PRKG1: variants seen among roughly 807,000 people sequenced by gnomAD.
The protein encoded by PRKG1 is protein kinase cGMP-dependent 1.
PRKG1 carries 35 observed loss-of-function variants against 88.1 expected under a neutral mutation model. That is an observed-to-expected ratio of 0.40 (90% CI 0.30 to 0.53). The LOEUF (loss-of-function observed/expected upper bound fraction) is 0.53. PRKG1 is among the 20% of genes least tolerant of loss of function. The pLI is 0.59. For synonymous variants in PRKG1, 303 were observed against 292.5 expected, an observed-to-expected ratio of 1.04 and a Z score of -0.37; for missense variants, 540 against 839.8, an observed-to-expected ratio of 0.64 and a Z score of 4.41.
chr10:51,433,952 C>T (rs1012215517), intron 2 of PRKG1, among the ~76,000 whole-genome samples: 1 of 152,032 alleles, frequency 6.6e-6, no homozygotes, highest in Non-Finnish European at 1.5e-5. Flanking sequence ...AAAACCTTTA[C>T]TTTATAGGTA....
intron 3 of PRKG1, among the ~76,000 whole-genome samples, chr10:51,735,500 G>T (rs1471524876): frequency 6.6e-6 from 1 of 151,974 alleles, no homozygotes; most frequent in Non-Finnish European, 1.5e-5. Context: ...GAGGACATTT[G>T]GATACCAATA....
At chr10:51,599,776 C>T (rs961814062) in intron 3 of PRKG1, among the ~76,000 whole-genome samples, 4 of 152,160 alleles carry the variant, frequency 2.6e-5, no homozygotes, top group Non-Finnish European at 4.4e-5. Context: ...ATTTTGGTTG[C>T]TATAACAACT....
intron 3 of PRKG1, among the ~76,000 whole-genome samples, chr10:51,478,889 A>G (rs1469526157): frequency 3.9e-5 from 6 of 151,992 alleles, no homozygotes; most frequent in African/African-American, 1.4e-4. Context: ...CTGAAACTCA[A>G]ATTTGAGTTG....
chr10:51,614,509 G>T (rs984054911), intron 3 of PRKG1, among the ~76,000 whole-genome samples: 4 of 151,208 alleles, frequency 2.6e-5, no homozygotes, highest in Non-Finnish European at 5.9e-5. Context: ...TTTAAGTGGA[G>T]AATTTAATCT....
intron 2 of PRKG1, among the ~76,000 whole-genome samples, chr10:51,416,820 A>G (rs1838253451): frequency 6.6e-6 from 1 of 152,188 alleles, no homozygotes; most frequent in South Asian, 2.1e-4. Context: ...AACTCCTCAG[A>G]ATTCAAAGAA....
intron 2 of PRKG1, among the ~76,000 whole-genome samples, chr10:51,439,834 T>C (rs981303755): frequency 6.6e-6 from 1 of 151,884 alleles, no homozygotes; most frequent in African/African-American, 2.4e-5. Context: ...GAAAAATAAG[T>C]GTCTAAGGAT....
intron 3 of PRKG1, among the ~76,000 whole-genome samples, chr10:51,740,795 G>A (rs1837413526): frequency 6.6e-6 from 1 of 152,102 alleles, no homozygotes; most frequent in South Asian, 2.1e-4. Context: ...AATCAAGATA[G>A]TAAATTCTAC....
At chr10:51,296,083 T>G (rs1198254806) in intron 2 of PRKG1, among the ~76,000 whole-genome samples, 6 of 152,154 alleles carry the variant, frequency 3.9e-5, no homozygotes, top group Admixed American at 6.5e-5. Flanking sequence ...TGCTAGTATT[T>G]TATTGAGGAT....
intron 3 of PRKG1, among the ~76,000 whole-genome samples, chr10:51,764,147 G>T (rs539941692): frequency 1.3e-5 from 2 of 152,058 alleles, no homozygotes; most frequent in African/African-American, 2.4e-5. Context: ...AGGATTACAG[G>T]CTTTTCCCTC....
chr10:52,228,104 AG>A (rs1413690147), intron 9 of PRKG1, among the ~76,000 whole-genome samples: 1 of 152,136 alleles, frequency 6.6e-6, no homozygotes, highest in Non-Finnish European at 1.5e-5. Context: ...TTGAAGGTCG[AG>A]TGTGGGTAGG....
At chr10:51,582,954 A>G (rs1838079623) in intron 3 of PRKG1, among the ~76,000 whole-genome samples, 1 of 152,166 alleles carries the variant, frequency 6.6e-6, no homozygotes, top group Non-Finnish European at 1.5e-5. Flanking sequence ...CTATTATTTT[A>G]CTACTTTACT....
In PRKG1 at chr10:51,662,114, G is replaced by C. The variant is rs900555987; in HGVS notation, c.593-142471G>C. ...ATAGGGGAGGGATAGCATTAGGAGAGATACCTAATGTAAATGACGAGTTAA... is the reference window on the plus strand; with the variant it reads ...ATAGGGGAGGGATAGCATTAGGAGACATACCTAATGTAAATGACGAGTTAA... On this transcript the variant is annotated intron_variant, in intron 3 of 17. Coordinates refer to ENST00000373980, the MANE Select transcript of PRKG1 (RefSeq NM_006258.4). 2.9e-4 allele frequency among the ~76,000 whole-genome samples: 44 copies of C among 152,102 alleles called. 1 individual carries two copies. The highest frequency in any genetic ancestry group is 1.1e-3 in the African/African-American group (44 of 41,500).
At position 51,890,119 on chromosome 10, in the gene PRKG1, A is replaced by G. The variant is rs1475618056; in HGVS notation, c.699-17388A>G. ...TGTCATTGCTTTTGGTGTATTAGAC[A>G]TGAAGTCCTTGCCCATGCCTATGTC... On this transcript the variant is annotated intron_variant, in intron 4 of 17. Coordinates refer to ENST00000373980, the MANE Select transcript of PRKG1 (RefSeq NM_006258.4). 3.9e-5 allele frequency among the ~76,000 whole-genome samples: 6 copies of G among 152,338 alleles called. No homozygotes were observed. In the South Asian group the frequency reaches 1.2e-3, roughly 32 times the overall value.
rs139752489 is a variant in PRKG1 at position 52,039,555 on chromosome 10, C to G, written c.763-14929C>G. The stretch of plus-strand genomic sequence containing the variant: ...CGATGGCTTGGCTTGGGCTCAGAGG[C>G]CTGACAGTAAACATATTGAAATGCT... On this transcript the variant is annotated intron_variant, in intron 5 of 17. Coordinates refer to ENST00000373980, the MANE Select transcript of PRKG1 (RefSeq NM_006258.4). Among the ~76,000 whole-genome samples the G allele has an allele frequency of 9.3e-3, 1,413 of 152,168 alleles. 22 individuals carry two copies. Among genetic ancestry groups the G allele is most frequent in the African/African-American group, 0.032 (1,327 of 41,484 alleles).
intron 1 of PRKG1, among the ~76,000 whole-genome samples, chr10:51,032,269 G>C (rs1166766000): frequency 6.6e-6 from 1 of 151,968 alleles, no homozygotes; most frequent in Non-Finnish European, 1.5e-5. Flanking sequence ...CTGGTATTTA[G>C]TATTGACAGT....
intron 5 of PRKG1, among the ~76,000 whole-genome samples, chr10:52,023,604 T>C (rs1277467029): frequency 6.6e-6 from 1 of 152,172 alleles, no homozygotes; most frequent in Non-Finnish European, 1.5e-5. Context: ...TAATGATCAC[T>C]ATTCTAACTG....
chr10:52,175,778 C>A (rs942628747), intron 9 of PRKG1, among the ~76,000 whole-genome samples: 12 of 151,986 alleles, frequency 7.9e-5, no homozygotes, highest in Non-Finnish European at 1.5e-4. Flanking sequence ...TATTTGTTGG[C>A]CATTTGTATG....
chr10:51,156,735 A>T (rs1846224943), intron 2 of PRKG1, among the ~76,000 whole-genome samples: 1 of 152,160 alleles, frequency 6.6e-6, no homozygotes, highest in Non-Finnish European at 1.5e-5. Context: ...AATTTAAAAA[A>T]CGATCATTTA....
chr10:51,466,497 G>T (rs1034612161), intron 2 of PRKG1, among the ~76,000 whole-genome samples: 2 of 152,004 alleles, frequency 1.3e-5, no homozygotes, highest in African/African-American at 2.4e-5. Flanking sequence ...TATGTGAAAT[G>T]GTTTTCAGGG....
Sources: gnomAD v4.1 joint callset for allele counts (sites outside exome capture counted in the v4.1 genomes callset) on GRCh38, gnomAD v4.1.1 for gene constraint, MANE v1.5 for transcripts, NCBI Gene and HGNC (gene_info 2026-07-23, HGNC 2026-07-21) for gene names.